The following DMD variants were observed in gnomAD, a reference collection of about 807,000 sequenced individuals.
The protein encoded by DMD is mutant dystrophin.
Under a neutral mutation model 330.1 loss-of-function variants are expected in DMD, and 63 were observed. The observed-to-expected ratio is 0.19, with a 90% CI of 0.16 to 0.24. The LOEUF (loss-of-function observed/expected upper bound fraction) is 0.24. Among genes scored for constraint, DMD ranks in the 10% least tolerant of loss-of-function variants. The probability of loss-of-function intolerance (pLI) is 1.00; values close to 1 mark genes in which losing one functional copy is unlikely to be tolerated. For synonymous variants in DMD, 1,223 were observed against 959.8 expected, an observed-to-expected ratio of 1.27 and a Z score of -5.07; for missense variants, 3,344 against 2,684.1, an observed-to-expected ratio of 1.25 and a Z score of -5.43.
intron 78 of DMD, among the ~76,000 whole-genome samples, chrX:31,124,775 G>A (rs1416420295): frequency 8.9e-6 from 1 of 111,896 alleles, no homozygotes; most frequent in African/African-American, 3.2e-5. Flanking sequence ...TTTCCACAGC[G>A]ATTGGAATTG....
chrX:33,051,788 A>G, intron 1 of DMD, among the ~76,000 whole-genome samples: 1 of 108,142 alleles, frequency 9.2e-6, no homozygotes, highest in Non-Finnish European at 1.9e-5. Context: ...AGTTGGGACT[A>G]CAGGCAAGTG....
At chrX:32,989,734 T>C (rs1182586425) in intron 2 of DMD, among the ~76,000 whole-genome samples, 2 of 111,606 alleles carry the variant, frequency 1.8e-5, no homozygotes, top group East Asian at 5.6e-4. Flanking sequence ...CCATAATTTT[T>C]CTACTTAAAT....
chrX:32,104,370 T>C, intron 44 of DMD, among the ~76,000 whole-genome samples: 1 of 111,133 alleles, frequency 9.0e-6, no homozygotes, highest in Non-Finnish European at 1.9e-5. Context: ...AAGTAAAAAC[T>C]AGAGAGGTAA....
At chrX:33,190,960 TATATATAATATATA>T (rs2050575869) in intron 1 of DMD, among the ~76,000 whole-genome samples, 21 of 1,338 alleles carry the variant, frequency 0.016, 7 homozygotes, top group Middle Eastern at 0.25. Context: ...ATATTATATA[TATATATAATATATA>T]ATATTATATA....
chrX:32,196,822 A>G (rs1366024821), intron 44 of DMD, among the ~76,000 whole-genome samples: 1 of 108,646 alleles, frequency 9.2e-6, no homozygotes, highest in Non-Finnish European at 1.9e-5. Flanking sequence ...CGTCTCTACT[A>G]AAAATACAAA....
At chrX:31,244,146 T>C (rs1029922361) in intron 63 of DMD, among the ~76,000 whole-genome samples, 1 of 112,039 alleles carries the variant, frequency 8.9e-6, no homozygotes, top group African/African-American at 3.2e-5. Flanking sequence ...CAGAAACCCA[T>C]CATAAAGTTG....
intron 7 of DMD, among the ~76,000 whole-genome samples, chrX:32,716,611 C>G (rs759029782): frequency 1.8e-5 from 2 of 110,931 alleles, no homozygotes; most frequent in South Asian, 7.9e-4. Flanking sequence ...GAACGTGGAA[C>G]TAACTTTGGA....
intron 1 of DMD, among the ~76,000 whole-genome samples, chrX:33,174,544 A>G (rs1305541489): frequency 1.8e-5 from 2 of 111,586 alleles, no homozygotes; most frequent in Non-Finnish European, 3.8e-5. Flanking sequence ...ACTTAATGCA[A>G]TACATAACAA....
intron 41 of DMD, among the ~76,000 whole-genome samples, chrX:32,324,693 G>A (rs945811010): frequency 5.4e-5 from 6 of 111,703 alleles, no homozygotes; most frequent in African/African-American, 1.6e-4. Flanking sequence ...AATCATAGCT[G>A]TAGTTGGTAC....
At chrX:32,685,859 A>T (rs1020079077) in intron 9 of DMD, among the ~76,000 whole-genome samples, 4 of 112,018 alleles carry the variant, frequency 3.6e-5, no homozygotes, top group Non-Finnish European at 5.6e-5. Context: ...TTAAAAAATG[A>T]CTGTATTTCT....
At chrX:32,908,802 A>G (rs2086945578) in intron 2 of DMD, among the ~76,000 whole-genome samples, 1 of 111,860 alleles carries the variant, frequency 8.9e-6, no homozygotes, top group Admixed American at 9.5e-5. Flanking sequence ...AAAGTTCCTG[A>G]GGTAGTTGAT....
intron 39 of DMD, among the ~76,000 whole-genome samples, chrX:32,343,599 G>C (rs764292038): frequency 9.0e-6 from 1 of 111,137 alleles, no homozygotes; most frequent in Non-Finnish European, 1.9e-5. Flanking sequence ...ATGTGCAAGA[G>C]TTTAATATAC....
chrX:32,333,816 C>T (rs1286768509), intron 41 of DMD, among the ~76,000 whole-genome samples: 9 of 111,060 alleles, frequency 8.1e-5, no homozygotes, highest in Non-Finnish European at 1.7e-4. Context: ...ATATTTTGTC[C>T]TAAAAGGTCT....
intron 54 of DMD, among the ~76,000 whole-genome samples, chrX:31,640,591 A>C (rs1027393671): frequency 8.0e-5 from 9 of 112,637 alleles, no homozygotes; most frequent in Admixed American, 4.7e-4. Context: ...GCATTAAAAT[A>C]ATTTGCAACT....
intron 55 of DMD, among the ~76,000 whole-genome samples, chrX:31,565,236 C>T (rs1308537500): frequency 1.8e-5 from 2 of 111,441 alleles, no homozygotes; most frequent in Non-Finnish European, 3.8e-5. Flanking sequence ...ACAGTTCCAA[C>T]ACTACAAGGA....
At chrX:33,109,713 T>G (rs2095324595) in intron 1 of DMD, among the ~76,000 whole-genome samples, 1 of 111,800 alleles carries the variant, frequency 8.9e-6, no homozygotes, top group African/African-American at 3.2e-5. Flanking sequence ...TGAAAAAGAT[T>G]TACGGTTTTT....
chrX:31,518,903 T>C (rs912632492), intron 55 of DMD, among the ~76,000 whole-genome samples: 6 of 111,504 alleles, frequency 5.4e-5, no homozygotes, highest in African/African-American at 1.3e-4. Flanking sequence ...CTCCAGTGTC[T>C]TCCCCATCCA....
chrX:32,644,419 A>G, intron 10 of DMD, 106 bp from the exon 11 acceptor site: 1 of 843,701 alleles, frequency 1.2e-6, no homozygotes. Context: ...ATTTAGATTT[A>G]TATTCCCAGT....
rs769086816 is a variant in DMD, at chrX:31,134,828, TA to T, written c.10922-635del. ...ACTCTAAATACCCTGACTTGATCAT[TA>T]ACACATTCTGTGTATGCAACAAAAT... On this transcript the variant is annotated intron_variant, in intron 76 of 78. Coordinates refer to ENST00000357033, the MANE Select transcript of DMD (RefSeq NM_004006.3). Among the ~76,000 whole-genome samples the T allele has an allele frequency of 4.6e-3, 513 of 112,638 alleles. 2 individuals are homozygous for T. Among genetic ancestry groups the T allele is most frequent in the African/African-American group, 0.016 (488 of 31,016 alleles).
Sources: allele counts gnomAD v4.1 joint callset (sites outside exome capture counted in the v4.1 genomes callset), GRCh38; gene constraint gnomAD v4.1.1; transcripts MANE v1.5; gene names NCBI Gene and HGNC (gene_info 2026-07-23, HGNC 2026-07-21).